The following DCAF6 variants were observed in gnomAD, a reference collection of about 807,000 sequenced individuals.
DCAF6 encodes the protein DDB1- and CUL4-associated factor 6.
DCAF6 carries 54 observed loss-of-function variants against 125.1 expected under a neutral mutation model. That is an observed-to-expected ratio of 0.43 (90% CI 0.35 to 0.54). The LOEUF (loss-of-function observed/expected upper bound fraction) is 0.54. Ranked by LOEUF, DCAF6 falls within the 20% of genes least tolerant of loss-of-function variation. DCAF6 has a pLI of 0.01. For synonymous variants in DCAF6, 371 were observed against 390.4 expected (o/e 0.95, Z 0.58); for missense variants, 934 against 1,161.7 (o/e 0.80, Z 2.85).
chr1:167,978,438 C>T (rs945086172), intron 4 of DCAF6, among the ~76,000 whole-genome samples: 9 of 152,180 alleles, frequency 5.9e-5, no homozygotes, highest in African/African-American at 2.2e-4. Context: ...TTCCATTTGC[C>T]TCTCTGTGCT....
At chr1:167,950,240 T>C (rs962759277) in intron 1 of DCAF6, among the ~76,000 whole-genome samples, 11 of 152,208 alleles carry the variant, frequency 7.2e-5, no homozygotes, top group African/African-American at 2.7e-4. Context: ...TTGAATACTT[T>C]GTTTCTTAAC....
At chr1:167,986,999 A>G (rs1035627461) in intron 4 of DCAF6, among the ~76,000 whole-genome samples, 1 of 152,336 alleles carries the variant, frequency 6.6e-6, no homozygotes, top group East Asian at 1.9e-4. Context: ...GACATTAAGT[A>G]TATTCATGTT....
the DCAF6 span, among the ~76,000 whole-genome samples, chr1:167,915,079 A>C: frequency 6.6e-6 from 1 of 152,242 alleles, no homozygotes; most frequent in Admixed American, 6.5e-5. Flanking sequence ...AACAGGCTCC[A>C]GTAGAGACCT....
chr1:167,958,073 T>C (rs1022660952), intron 2 of DCAF6, among the ~76,000 whole-genome samples: 3 of 152,182 alleles, frequency 2.0e-5, no homozygotes, highest in African/African-American at 7.2e-5. Flanking sequence ...TTTGCAAATA[T>C]TTCCCTTCAT....
chr1:168,006,996 G>T (rs1483262640), intron 10 of DCAF6, among the ~76,000 whole-genome samples: 1 of 152,184 alleles, frequency 6.6e-6, no homozygotes, highest in Non-Finnish European at 1.5e-5. Context: ...CATCAGAGCA[G>T]CCTCACACTG....
the DCAF6 span, among the ~76,000 whole-genome samples, chr1:167,921,307 C>T: frequency 6.6e-6 from 1 of 151,976 alleles, no homozygotes. Flanking sequence ...ACTGCAACCT[C>T]CACCTCCCAG....
chr1:167,924,496 C>A, the DCAF6 span: 1 of 1,590,506 alleles, frequency 6.3e-7, no homozygotes, highest in Non-Finnish European at 8.5e-7. Flanking sequence ...TCAAGACTTA[C>A]CCATTTCATA....
At chr1:167,955,018 CTATG>C (rs1218856911) in intron 2 of DCAF6, among the ~76,000 whole-genome samples, 2 of 152,134 alleles carry the variant, frequency 1.3e-5, no homozygotes, top group Non-Finnish European at 1.5e-5. Context: ...GAATCATTGA[CTATG>C]TATCCTTTTT....
the DCAF6 span, among the ~76,000 whole-genome samples, chr1:167,930,671 T>C: frequency 6.6e-6 from 1 of 152,202 alleles, no homozygotes; most frequent in Non-Finnish European, 1.5e-5. Flanking sequence ...TAATTTGTCT[T>C]ACACTCAGGA....
At chr1:167,869,987 G>C in the DCAF6 span, among the ~76,000 whole-genome samples, 15 of 152,072 alleles carry the variant, frequency 9.9e-5, no homozygotes, top group African/African-American at 2.7e-4. Context: ...AATTGTTCTC[G>C]ATCTGTCTGA....
At chr1:168,053,228 A>C (rs905820763) in intron 17 of DCAF6, among the ~76,000 whole-genome samples, 2 of 152,180 alleles carry the variant, frequency 1.3e-5, no homozygotes, top group Non-Finnish European at 2.9e-5. Flanking sequence ...ATCACAGTGC[A>C]TTGTATATTT....
intron 3 of DCAF6, among the ~76,000 whole-genome samples, chr1:167,970,914 C>T (rs1481806505): frequency 6.6e-6 from 1 of 152,062 alleles, no homozygotes; most frequent in Non-Finnish European, 1.5e-5. Context: ...CCATCATATA[C>T]TGGGGAGTCC....
intron 3 of DCAF6, among the ~76,000 whole-genome samples, chr1:167,970,683 A>C (rs1014882238): frequency 6.6e-6 from 1 of 152,258 alleles, no homozygotes; most frequent in Non-Finnish European, 1.5e-5. Flanking sequence ...TTAAAACACC[A>C]ATGATTCATT....
intron 1 of DCAF6, among the ~76,000 whole-genome samples, chr1:167,950,058 A>G (rs1220734134): frequency 1.3e-5 from 2 of 152,234 alleles, no homozygotes; most frequent in African/African-American, 2.4e-5. Context: ...AACGTCATAT[A>G]GAAGAGTTCT....
At chr1:167,985,486 G>T (rs1196096000) in intron 4 of DCAF6, among the ~76,000 whole-genome samples, 1 of 151,722 alleles carries the variant, frequency 6.6e-6, no homozygotes, top group African/African-American at 2.4e-5. Context: ...CCATCATCTT[G>T]TCTCCTTCTC....
At position 168,030,998 on chromosome 1, in the gene DCAF6, G is replaced by A. The variant is rs1053670619; in HGVS notation, c.1610-7373G>A. Among the ~76,000 whole-genome samples the A allele has an allele frequency of 2.0e-5, 3 of 152,050 alleles. No homozygotes were observed. The East Asian group carries it at 5.8e-4, about 29-fold the overall frequency. On this transcript the variant is annotated intron_variant, in intron 12 of 21. Transcript: ENST00000367840. The stretch of plus-strand genomic sequence containing the variant: ...TGTAGGGGTAGGTGATCATGAACTC[G>A]GTTTTGAATATATTGAGTTTGAGTT...
chr1:167,928,317 C>G, the DCAF6 span, among the ~76,000 whole-genome samples: 1 of 132,848 alleles, frequency 7.5e-6, no homozygotes, highest in African/African-American at 2.8e-5. Flanking sequence ...CACTGCACTC[C>G]AGAAAAAAAA....
In DCAF6 at chr1:168,055,816, A is replaced by G. The variant is rs537189619; in HGVS notation, c.2300+4883A>G. On this transcript the variant is annotated intron_variant, in intron 17 of 21. Coordinates refer to ENST00000367840, the MANE Select transcript of DCAF6 (RefSeq NM_001198956.2). ...CCCATCGGTAATACTAAAAGTTTCTATTCTAAGTCTTCTATCCACCACTAA... is the reference window on the plus strand; with the variant it reads ...CCCATCGGTAATACTAAAAGTTTCTGTTCTAAGTCTTCTATCCACCACTAA... 3.3e-4 allele frequency: 316 copies of G among 963,828 alleles called. 7 individuals are homozygous for G. The African/African-American group carries it at 5.1e-3, about 16-fold the overall frequency. 59.7% of individuals were successfully genotyped at this position (963,828 alleles called of 1,614,324 possible). A position where few individuals can be genotyped will look rare whatever the true frequency, so the allele number is the denominator to read the frequency against.
At chr1:168,037,399 A>G (rs1687977926) in intron 12 of DCAF6, among the ~76,000 whole-genome samples, 1 of 152,222 alleles carries the variant, frequency 6.6e-6, no homozygotes, top group Non-Finnish European at 1.5e-5. Flanking sequence ...GGAAAAAGAT[A>G]TCTCACAGAA....
Sources: gnomAD v4.1 joint callset for allele counts (sites outside exome capture counted in the v4.1 genomes callset) on GRCh38, gnomAD v4.1.1 for gene constraint, MANE v1.5 for transcripts, NCBI Gene and HGNC (gene_info 2026-07-23, HGNC 2026-07-21) for gene names.